NALF1: variants seen among roughly 807,000 people sequenced by gnomAD.
NALF1 encodes family with sequence similarity 155 member A.
In NALF1, 3 loss-of-function variants were observed where a neutral mutation model predicts 48.4. The ratio of observed to expected loss-of-function variants is 0.06; its 90% CI spans 0.03 to 0.16. The LOEUF is 0.16. Ranked by LOEUF, NALF1 falls within the 10% of genes least tolerant of loss-of-function variation. NALF1 has a pLI of 1.00. For missense variants in NALF1, 526 were observed against 571.5 expected (o/e 0.92, Z 0.81); for synonymous variants, 262 against 245.7 (o/e 1.07, Z -0.62).
At chr13:107,572,014 C>T (rs1348839367) in intron 1 of NALF1, among the ~76,000 whole-genome samples, 1 of 152,104 alleles carries the variant, frequency 6.6e-6, no homozygotes, top group African/African-American at 2.4e-5. Context: ...TCTAAGGTAC[C>T]TTAGCACGTC....
chr13:107,620,577 T>C (rs1483122673), intron 1 of NALF1, among the ~76,000 whole-genome samples: 2 of 152,202 alleles, frequency 1.3e-5, no homozygotes, highest in Non-Finnish European at 2.9e-5. Context: ...TGCACCAAAA[T>C]GACTTGGTCC....
At chr13:107,172,223 G>C (rs1207110376) in intron 2 of NALF1, among the ~76,000 whole-genome samples, 1 of 151,990 alleles carries the variant, frequency 6.6e-6, no homozygotes, top group Non-Finnish European at 1.5e-5. Flanking sequence ...CATACCCCTG[G>C]GCTATTAGCA....
At chr13:107,324,027 T>C (rs914602023) in intron 1 of NALF1, among the ~76,000 whole-genome samples, 10 of 152,166 alleles carry the variant, frequency 6.6e-5, no homozygotes, top group African/African-American at 2.4e-4. Flanking sequence ...GAGGATCCCT[T>C]GAGTCCAAGA....
rs377247153 is a variant in NALF1, at chr13:107,757,176, C to A, written c.915+108506G>T. Among the ~76,000 whole-genome samples the A allele has an allele frequency of 1.8e-3, 276 of 152,136 alleles. 8 individuals carry two copies. In the South Asian group the frequency reaches 0.056, roughly 31 times the overall value. ...TGAGGTAGTATGTACTGATTTGCAGCAAATAAACACAGGAAGGTGTGAAAA... is the reference window on the plus strand; with the variant it reads ...TGAGGTAGTATGTACTGATTTGCAGAAAATAAACACAGGAAGGTGTGAAAA... On this transcript the variant is annotated intron_variant, in intron 1 of 2. Coordinates refer to ENST00000375915, the MANE Select transcript of NALF1 (RefSeq NM_001080396.3).
intron 1 of NALF1, among the ~76,000 whole-genome samples, chr13:107,852,632 G>A (rs1371284082): frequency 1.3e-5 from 2 of 152,148 alleles, no homozygotes; most frequent in Non-Finnish European, 2.9e-5. Context: ...ATCTTGGTCT[G>A]TCTGATTCAT....
At chr13:107,209,637 T>G (rs1392635665) in intron 2 of NALF1, among the ~76,000 whole-genome samples, 1 of 152,218 alleles carries the variant, frequency 6.6e-6, no homozygotes, top group Non-Finnish European at 1.5e-5. Context: ...ATTTGATAAA[T>G]TCTCATGTTG....
chr13:107,332,971 G>A (rs1282097200), intron 1 of NALF1, among the ~76,000 whole-genome samples: 1 of 152,090 alleles, frequency 6.6e-6, no homozygotes, highest in Non-Finnish European at 1.5e-5. Context: ...TCAGCCCCCA[G>A]AGTAGCTGGG....
At chr13:107,363,998 A>AT in intron 1 of NALF1, among the ~76,000 whole-genome samples, 1 of 152,282 alleles carries the variant, frequency 6.6e-6, no homozygotes, top group South Asian at 2.1e-4. Flanking sequence ...TGCTCATTGC[A>AT]TTTTCTGAAC....
At chr13:107,366,620 G>A (rs181311572) in intron 1 of NALF1, among the ~76,000 whole-genome samples, 23 of 152,254 alleles carry the variant, frequency 1.5e-4, no homozygotes, top group African/African-American at 3.6e-4. Context: ...CAACTCTGCC[G>A]ACTGATTTTT....
intron 1 of NALF1, among the ~76,000 whole-genome samples, chr13:107,543,428 T>C (rs1877045206): frequency 6.6e-6 from 1 of 152,108 alleles, no homozygotes; most frequent in Non-Finnish European, 1.5e-5. Flanking sequence ...TCTGTCCTGT[T>C]CTTTTTATAT....
At chr13:107,657,469 CATTCATACATGTGTGGATTT>C (rs1880613679) in intron 1 of NALF1, among the ~76,000 whole-genome samples, 1 of 152,092 alleles carries the variant, frequency 6.6e-6, no homozygotes, top group Non-Finnish European at 1.5e-5. Context: ...TGTGTGGATG[CATTCATACATGTGTGGATTT>C]GGGGAACAAA....
intron 1 of NALF1, among the ~76,000 whole-genome samples, chr13:107,363,005 T>C (rs527854282): frequency 6.0e-4 from 92 of 152,124 alleles, no homozygotes; most frequent in African/African-American, 2.1e-3. Context: ...GTGAAAAAAA[T>C]AGATCTTAAC....
At chr13:107,862,741 G>C (rs1880608463) in intron 1 of NALF1, among the ~76,000 whole-genome samples, 1 of 151,694 alleles carries the variant, frequency 6.6e-6, no homozygotes, top group Non-Finnish European at 1.5e-5. Context: ...ATTCTAAGGG[G>C]TTTCTTCTGA....
At chr13:107,415,166 A>C (rs890947018) in intron 1 of NALF1, among the ~76,000 whole-genome samples, 2 of 152,236 alleles carry the variant, frequency 1.3e-5, no homozygotes, top group Non-Finnish European at 2.9e-5. Context: ...CTCATATTTT[A>C]AATACATATC....
chr13:107,238,742 TC>T (rs1262493497), intron 1 of NALF1, among the ~76,000 whole-genome samples: 6 of 152,110 alleles, frequency 3.9e-5, no homozygotes, highest in African/African-American at 7.2e-5. Context: ...AACTAACTGT[TC>T]TTGTAAATTG....
chr13:107,345,764 A>C (rs958885304), intron 1 of NALF1, among the ~76,000 whole-genome samples: 1 of 152,242 alleles, frequency 6.6e-6, no homozygotes, highest in African/African-American at 2.4e-5. Flanking sequence ...AAGCACAGAC[A>C]GCAAAATATA....
intron 1 of NALF1, among the ~76,000 whole-genome samples, chr13:107,686,092 G>A (rs527693953): frequency 1.3e-5 from 2 of 152,226 alleles, no homozygotes; most frequent in African/African-American, 4.8e-5. Context: ...GGGGCCGGGG[G>A]CCAGCCTCTG....
chr13:107,172,603 T>A (rs771537241), intron 2 of NALF1, among the ~76,000 whole-genome samples: 1 of 152,204 alleles, frequency 6.6e-6, no homozygotes, highest in Non-Finnish European at 1.5e-5. Flanking sequence ...AAAACTGAAT[T>A]AATGAGGTCT....
chr13:107,182,006 T>C (rs1298447583), intron 2 of NALF1, among the ~76,000 whole-genome samples: 1 of 152,130 alleles, frequency 6.6e-6, no homozygotes, highest in Non-Finnish European at 1.5e-5. Flanking sequence ...TTTTCCATAA[T>C]TTTTCTTTAT....
Sources: gnomAD v4.1 joint callset for allele counts (sites outside exome capture counted in the v4.1 genomes callset) on GRCh38, gnomAD v4.1.1 for gene constraint, MANE v1.5 for transcripts, NCBI Gene and HGNC (gene_info 2026-07-23, HGNC 2026-07-21) for gene names.